Variants in TULP4 observed in about 807,000 individuals in gnomAD.
TULP4 encodes TUB like protein 4, also known as tubby-related protein 4.
Under a neutral mutation model 129.0 loss-of-function variants are expected in TULP4, and 16 were observed. The ratio of observed to expected loss-of-function variants is 0.12; its 90% CI spans 0.08 to 0.19. The LOEUF is 0.19. Ranked by LOEUF, TULP4 falls within the 10% of genes least tolerant of loss-of-function variation. The pLI, the probability that TULP4 is intolerant of heterozygous loss-of-function variation, is 1.00. For missense variants in TULP4, 1,842 were observed against 2,059.1 expected (o/e 0.89, Z 2.04); for synonymous variants, 998 against 854.0 (o/e 1.17, Z -2.94).
intron 1 of TULP4, among the ~76,000 whole-genome samples, chr6:158,290,502 A>G (rs1778918600): frequency 6.6e-6 from 1 of 152,098 alleles, no homozygotes; most frequent in African/African-American, 2.4e-5. Flanking sequence ...TGCTGTGCAG[A>G]AGCTTTGTAC....
intron 1 of TULP4, among the ~76,000 whole-genome samples, chr6:158,393,063 T>C (rs1777625234): frequency 2.0e-5 from 3 of 151,818 alleles, no homozygotes; most frequent in African/African-American, 7.2e-5. Flanking sequence ...TAAATGCTCT[T>C]GATCCAAATG....
intron 1 of TULP4, among the ~76,000 whole-genome samples, chr6:158,360,114 C>A (rs1583793304): frequency 3.4e-5 from 5 of 149,088 alleles, no homozygotes; most frequent in African/African-American, 4.9e-5. Flanking sequence ...AAAAACCAAA[C>A]AAACAAACAA....
chr6:158,386,921 C>T (rs968470946), intron 1 of TULP4, among the ~76,000 whole-genome samples: 2 of 151,876 alleles, frequency 1.3e-5, no homozygotes, highest in Non-Finnish European at 2.9e-5. Context: ...TGAAAATTGT[C>T]AGAGAATTAG....
At chr6:158,447,088 A>G (rs953087430) in intron 3 of TULP4, among the ~76,000 whole-genome samples, 6 of 152,222 alleles carry the variant, frequency 3.9e-5, no homozygotes, top group African/African-American at 7.2e-5. Flanking sequence ...GAGAATAGTG[A>G]TAAGTGTGGC....
At position 158,501,938 on chromosome 6, in the gene TULP4, G is replaced by C. The variant is rs760492393; in HGVS notation, c.2275G>C (p.Gly759Arg). ...CTCCAATCCTGGACAGGTGATTTTC[G>C]GAAGCGTGGAAATGGGCCGCATCAT... Reference protein sequence around the residue: ...RYSNPGQVIFGSVEMGRIIQN... With the variant: ...RYSNPGQVIFRSVEMGRIIQN... Residue 759 changes from glycine (G) to arginine (R), a missense_variant, in exon 13 of 14, where the codon GGA becomes CGA. Gly to Arg is a moderately radical substitution (Grantham distance 125). Coordinates refer to ENST00000367097, the MANE Select transcript of TULP4 (RefSeq NM_020245.5). 6.2e-7 allele frequency: 1 copy of C among 1,613,858 alleles called. No individual in the cohort carries two copies. The highest frequency in any genetic ancestry group is 8.5e-7 in the Non-Finnish European group (1 of 1,180,000).
At chr6:158,467,906 G>T (rs1443845691) in intron 6 of TULP4, among the ~76,000 whole-genome samples, 1 of 152,174 alleles carries the variant, frequency 6.6e-6, no homozygotes, top group African/African-American at 2.4e-5. Context: ...CCTTAACATT[G>T]TATCTTACTG....
intron 10 of TULP4, 143 bp from the exon 11 acceptor site, chr6:158,494,610 A>G (rs1487791348): frequency 4.2e-6 from 3 of 722,864 alleles, no homozygotes; most frequent in Non-Finnish European, 6.6e-6. Flanking sequence ...GATCTTGCAA[A>G]TGGTAGATGA....
intron 1 of TULP4, among the ~76,000 whole-genome samples, chr6:158,269,579 C>G (rs1319831893): frequency 6.6e-6 from 1 of 151,930 alleles, no homozygotes; most frequent in Non-Finnish European, 1.5e-5. Context: ...CTTTTTTTCT[C>G]CGTGATTCTT....
intron 1 of TULP4, among the ~76,000 whole-genome samples, chr6:158,388,036 C>G (rs1777490418): frequency 6.6e-6 from 1 of 152,092 alleles, no homozygotes. Context: ...AGTAGAACAG[C>G]TAATCAGTTC....
At chr6:158,252,613 A>G (rs262816) in intron 1 of TULP4, among the ~76,000 whole-genome samples, 23 of 152,014 alleles carry the variant, frequency 1.5e-4, no homozygotes, top group African/African-American at 4.6e-4. Context: ...TGACCTCATG[A>G]TCTGCCCGCC....
chr6:158,262,794 G>A (rs1199571080), intron 1 of TULP4, among the ~76,000 whole-genome samples: 1 of 152,164 alleles, frequency 6.6e-6, no homozygotes, highest in Non-Finnish European at 1.5e-5. Flanking sequence ...GGCACCCTGC[G>A]ATGTCACCTT....
chr6:158,232,636 G>A (rs1353555479), intron 1 of TULP4, among the ~76,000 whole-genome samples: 2 of 152,164 alleles, frequency 1.3e-5, no homozygotes, highest in Non-Finnish European at 2.9e-5. Context: ...GTGTGTGTGA[G>A]ATCGGGAGGC....
chr6:158,318,842 C>G (rs576194139), intron 1 of TULP4, among the ~76,000 whole-genome samples: 9 of 151,902 alleles, frequency 5.9e-5, no homozygotes, highest in Non-Finnish European at 1.2e-4. Flanking sequence ...CTTCCCACCT[C>G]AGCCTGCCAA....
At position 158,507,487 on chromosome 6, in the gene TULP4, G is replaced by T. The variant is rs1222606402; in HGVS notation, c.*793G>T. 1 of 152,228 alleles carries T rather than the reference G, an allele frequency of 6.6e-6. No individual in the cohort carries two copies. The highest frequency in any genetic ancestry group is 1.5e-5 in the Non-Finnish European group (1 of 68,046). The allele number at this position is 152,228 out of a possible 1,614,324, so 9.4% of individuals were successfully genotyped here. ...AAAGCCTCCACTAGTTTCATCGTTT[G>T]TCAAAGTTCCGTAGGATCAGTGATG... On this transcript the variant is annotated 3_prime_UTR_variant, in exon 14 of 14. Transcript: ENST00000367097.
chr6:158,259,565 C>T (rs1778312140), intron 1 of TULP4, among the ~76,000 whole-genome samples: 1 of 152,176 alleles, frequency 6.6e-6, no homozygotes, highest in Non-Finnish European at 1.5e-5. Flanking sequence ...AACTAAATAT[C>T]CGAACAGTGG....
chr6:158,267,967 T>A (rs1458109253), intron 1 of TULP4, among the ~76,000 whole-genome samples: 1 of 152,026 alleles, frequency 6.6e-6, no homozygotes, highest in African/African-American at 2.4e-5. Context: ...CACAGGTTTT[T>A]AAAATTTTTT....
chr6:158,479,401 C>G (rs1014883546), intron 6 of TULP4, among the ~76,000 whole-genome samples: 1 of 152,180 alleles, frequency 6.6e-6, no homozygotes, highest in Non-Finnish European at 1.5e-5. Flanking sequence ...CTTTAATGCT[C>G]TGGCCTGGGG....
At chr6:158,248,925 G>T (rs886735403) in intron 1 of TULP4, among the ~76,000 whole-genome samples, 4 of 151,974 alleles carry the variant, frequency 2.6e-5, no homozygotes, top group African/African-American at 9.7e-5. Flanking sequence ...TTGGAGACCA[G>T]CCTGGGCAAC....
chr6:158,235,334 C>G (rs1398204653), intron 1 of TULP4, among the ~76,000 whole-genome samples: 1 of 152,174 alleles, frequency 6.6e-6, no homozygotes, highest in Non-Finnish European at 1.5e-5. Flanking sequence ...CTTTTCCCCT[C>G]CCTGCAGCCC....
Sources: allele counts gnomAD v4.1 joint callset (sites outside exome capture counted in the v4.1 genomes callset), GRCh38; gene constraint gnomAD v4.1.1; transcripts MANE v1.5; gene names NCBI Gene and HGNC (gene_info 2026-07-23, HGNC 2026-07-21).